Variants in CHSY3 observed in about 807,000 individuals in gnomAD.
CHSY3 encodes the protein N-acetylgalactosaminyl-proteoglycan 3-beta-glucuronosyltransferase 3.
In CHSY3, 35 loss-of-function variants were observed where a neutral mutation model predicts 67.2. The ratio of observed to expected loss-of-function variants is 0.52; its 90% CI spans 0.40 to 0.69. CHSY3 has a LOEUF of 0.69. CHSY3 is among the 30% of genes least tolerant of loss of function. The pLI is 0.00. For synonymous variants in CHSY3, 474 were observed against 434.7 expected (o/e 1.09, Z -1.12); for missense variants, 1,069 against 1,138.5 (o/e 0.94, Z 0.88).
chr5:130,138,240 C>A (rs1198743477), intron 2 of CHSY3, among the ~76,000 whole-genome samples: 1 of 152,196 alleles, frequency 6.6e-6, no homozygotes, highest in Non-Finnish European at 1.5e-5. Flanking sequence ...CATTCGAGGG[C>A]TGAGCCAGCA....
chr5:130,164,953 T>A (rs1288869845), intron 2 of CHSY3, among the ~76,000 whole-genome samples: 2 of 151,684 alleles, frequency 1.3e-5, no homozygotes, highest in African/African-American at 4.8e-5. Flanking sequence ...ACACCCTAAG[T>A]AGAAAAAAAA....
chr5:129,987,593 C>T (rs1035886599), intron 2 of CHSY3, among the ~76,000 whole-genome samples: 1 of 152,086 alleles, frequency 6.6e-6, no homozygotes, highest in Non-Finnish European at 1.5e-5. Context: ...GTGATATGAT[C>T]TCATTCAGAG....
intron 2 of CHSY3, among the ~76,000 whole-genome samples, chr5:130,000,878 C>T (rs1763706819): frequency 6.8e-6 from 1 of 146,746 alleles, no homozygotes; most frequent in Admixed American, 6.8e-5. Context: ...ACCAGCCAGC[C>T]TGTCTTCTTT....
chr5:129,999,124 C>CTTTTTTT (rs376975711), intron 2 of CHSY3, among the ~76,000 whole-genome samples: 1 of 141,724 alleles, frequency 7.1e-6, no homozygotes, highest in Non-Finnish European at 1.5e-5. Context: ...TCCCCCCTCC[C>CTTTTTTT]TTTTTTTTTT....
At chr5:129,957,494 T>C (rs749968089) in intron 2 of CHSY3, among the ~76,000 whole-genome samples, 2 of 152,146 alleles carry the variant, frequency 1.3e-5, no homozygotes, top group Non-Finnish European at 2.9e-5. Context: ...ATTTGACATA[T>C]AAATGTATGT....
chr5:130,001,960 C>A, intron 2 of CHSY3: 3 of 832,638 alleles, frequency 3.6e-6, no homozygotes, highest in Middle Eastern at 6.2e-4. Flanking sequence ...GTCAGCCAAT[C>A]CTTATATTGG....
At chr5:129,975,404 G>A (rs1762778000) in intron 2 of CHSY3, among the ~76,000 whole-genome samples, 1 of 152,016 alleles carries the variant, frequency 6.6e-6, no homozygotes, top group African/African-American at 2.4e-5. Flanking sequence ...AATTTCTGAA[G>A]GAAGTAGCAA....
intron 2 of CHSY3, among the ~76,000 whole-genome samples, chr5:130,158,100 G>A (rs1769424943): frequency 6.6e-6 from 1 of 152,204 alleles, no homozygotes; most frequent in South Asian, 2.1e-4. Flanking sequence ...CTTCTCTACT[G>A]CAACCTGTTT....
chr5:130,025,936 A>G (rs939993250), intron 2 of CHSY3, among the ~76,000 whole-genome samples: 3 of 152,144 alleles, frequency 2.0e-5, no homozygotes, highest in African/African-American at 7.2e-5. Flanking sequence ...TTGAGAATGG[A>G]TTGAAAGGCC....
At chr5:130,104,898 C>T (rs959736651) in intron 2 of CHSY3, among the ~76,000 whole-genome samples, 2 of 151,726 alleles carry the variant, frequency 1.3e-5, no homozygotes, top group South Asian at 4.2e-4. Flanking sequence ...ATGTAATTGG[C>T]AACTGCTTTC....
chr5:130,150,554 A>G (rs1188447459), intron 2 of CHSY3, among the ~76,000 whole-genome samples: 1 of 152,172 alleles, frequency 6.6e-6, no homozygotes, highest in African/African-American at 2.4e-5. Context: ...TAATAACAAC[A>G]TGAACACATT....
chr5:129,956,819 C>G (rs1762189556), intron 2 of CHSY3, among the ~76,000 whole-genome samples: 2 of 151,692 alleles, frequency 1.3e-5, no homozygotes, highest in South Asian at 2.1e-4. Context: ...TTTCATTGGT[C>G]TATGTGTTTG....
intron 2 of CHSY3, among the ~76,000 whole-genome samples, chr5:129,979,199 C>CAAAAAAAAAAAA (rs58584381): frequency 4.8e-5 from 3 of 62,530 alleles, no homozygotes; most frequent in African/African-American, 6.0e-5. Context: ...GACTCCGTCT[C>CAAAAAAAAAAAA]AAAAAAAAAA....
chr5:129,962,008 T>C (rs939527747), intron 2 of CHSY3, among the ~76,000 whole-genome samples: 1 of 151,992 alleles, frequency 6.6e-6, no homozygotes, highest in Non-Finnish European at 1.5e-5. Flanking sequence ...TTCAACTTTG[T>C]CCCTAAGTTA....
chr5:129,925,708 C>G (rs1298881084), intron 2 of CHSY3, among the ~76,000 whole-genome samples: 1 of 152,030 alleles, frequency 6.6e-6, no homozygotes, highest in South Asian at 2.1e-4. Flanking sequence ...ATCCTTTGAT[C>G]AAAATCTCCC....
intron 2 of CHSY3, among the ~76,000 whole-genome samples, chr5:130,110,492 A>G (rs1485393850): frequency 1.3e-5 from 2 of 151,996 alleles, no homozygotes; most frequent in Non-Finnish European, 2.9e-5. Flanking sequence ...AAAGGAGAGC[A>G]CAGATAAACC....
At chr5:130,061,225 T>G (rs1223066488) in intron 2 of CHSY3, among the ~76,000 whole-genome samples, 1 of 152,134 alleles carries the variant, frequency 6.6e-6, no homozygotes, top group East Asian at 1.9e-4. Context: ...CTTTGATCAA[T>G]GGATCAGAAT....
intron 2 of CHSY3, 144 bp downstream of exon 2, chr5:129,908,504 G>A (rs1760406920): frequency 1.5e-6 from 2 of 1,297,096 alleles, no homozygotes; most frequent in Admixed American, 5.6e-5. Context: ...ATACAAGAGT[G>A]GGAGATAACT....
intron 2 of CHSY3, among the ~76,000 whole-genome samples, chr5:130,068,923 G>A (rs2149680548): frequency 6.6e-6 from 1 of 152,204 alleles, no homozygotes; most frequent in South Asian, 2.1e-4. Context: ...AGAGTCTATT[G>A]CCAGTCTAGA....
Sources: allele counts gnomAD v4.1 joint callset (sites outside exome capture counted in the v4.1 genomes callset), GRCh38; gene constraint gnomAD v4.1.1; transcripts MANE v1.5; gene names NCBI Gene and HGNC (gene_info 2026-07-23, HGNC 2026-07-21).